Variants in MRPS6 observed in about 807,000 individuals in gnomAD.
MRPS6 encodes small ribosomal subunit protein bS6m.
MRPS6 carries 6 observed loss-of-function variants against 13.1 expected under a neutral mutation model. The ratio of observed to expected loss-of-function variants is 0.46; its 90% confidence interval spans 0.25 to 0.91. The LOEUF is 0.91. MRPS6 is among the 40% of genes least tolerant of loss of function. The probability of loss-of-function intolerance (pLI) is 0.18; values close to 1 mark genes in which losing one functional copy is unlikely to be tolerated. For missense variants in MRPS6, 164 were observed against 155.6 expected, an observed-to-expected ratio of 1.05 and a Z score of -0.29; for synonymous variants, 61 against 56.5, an observed-to-expected ratio of 1.08 and a Z score of -0.36.
At chr21:34,103,266 A>AT in intron 1 of MRPS6, 5 of 997,570 alleles carry the variant, frequency 5.0e-6, no homozygotes, top group Non-Finnish European at 6.0e-6. Context: ...TTAACAGAAA[A>AT]TTTGTATTTG....
rs137938840 is a variant in MRPS6, at chr21:34,108,260, G to T, written c.46-17081G>T. ...TCCATTCATGGTAAGTGCCCTTTAT[G>T]GGTATACCGTTTTTTATCTTTTATA... On this transcript the variant is annotated intron_variant, in intron 1 of 2. Transcript: ENST00000399312. 2.5e-3 allele frequency among the ~76,000 whole-genome samples: 387 copies of T among 152,212 alleles called. 3 individuals carry two copies. The highest frequency in any genetic ancestry group is 9.0e-3 in the African/African-American group (373 of 41,546).
chr21:34,140,229 T>C (rs1980861937), intron 2 of MRPS6, among the ~76,000 whole-genome samples: 1 of 152,306 alleles, frequency 6.6e-6, no homozygotes, highest in Non-Finnish European at 1.5e-5. Flanking sequence ...AGGCCTTTTT[T>C]TTTTTCTTAC....
intron 2 of MRPS6, among the ~76,000 whole-genome samples, chr21:34,139,131 A>G (rs995449162): frequency 7.0e-6 from 1 of 143,804 alleles, no homozygotes; most frequent in African/African-American, 2.6e-5. Flanking sequence ...GTGGGAATTG[A>G]ACATTGAGAA....
intron 1 of MRPS6, among the ~76,000 whole-genome samples, chr21:34,083,809 G>A (rs1173622358): frequency 2.0e-5 from 3 of 152,156 alleles, no homozygotes; most frequent in Non-Finnish European, 4.4e-5. Context: ...GTGTGTGTAA[G>A]AAGATTGAAG....
intron 2 of MRPS6, among the ~76,000 whole-genome samples, chr21:34,139,279 A>G (rs188240392): frequency 2.6e-5 from 4 of 151,866 alleles, no homozygotes; most frequent in Admixed American, 6.6e-5. Flanking sequence ...TGGCACATGT[A>G]TACATATGTA....
rs571440239 is a variant in MRPS6 at position 34,073,745 on chromosome 21, G to T, written c.45G>T (p.Arg15=). 6.2e-4 allele frequency: 952 copies of T among 1,524,648 alleles called. 13 individuals carry two copies. The South Asian group carries it at 0.01, about 16-fold the overall frequency. The allele number at this position is 1,524,648 out of a possible 1,614,324, so 94.4% of individuals were successfully genotyped here. A position where few individuals can be genotyped will look rare whatever the true frequency, so the allele number is the denominator to read the frequency against. ...ELALILKAMQ[R]PETAATLKRT... ...CTTTAATCCTGAAAGCCATGCAGCG[G>T]GTAAGTGACCTTCCCTCAGAGCCGG... is the stretch of plus-strand genomic sequence containing the variant. Residue 15 remains arginine, a splice_region_variant and synonymous_variant, in exon 1 of 3, where the codon CGG becomes CGT. Transcript: ENST00000399312.
intron 1 of MRPS6, chr21:34,102,143 AGACTGTCCTTTGTTG>A (rs1211345557): frequency 3.0e-6 from 3 of 1,000,088 alleles, no homozygotes; most frequent in Admixed American, 6.2e-5. Flanking sequence ...TGTTTTTGTC[AGACTGTCCTTTGTTG>A]GAATACTTTA....
intron 1 of MRPS6, chr21:34,097,047 G>T (rs1376241412): frequency 6.2e-7 from 1 of 1,614,014 alleles, no homozygotes; most frequent in Non-Finnish European, 8.5e-7. Context: ...CAACCCAGTG[G>T]CATCCTTAGG....
chr21:34,134,905 C>G (rs151239684), intron 2 of MRPS6, among the ~76,000 whole-genome samples: 22 of 152,292 alleles, frequency 1.4e-4, no homozygotes, highest in Non-Finnish European at 1.5e-5. Context: ...GGGCATTTGG[C>G]TAAGTGATGT....
chr21:34,105,055 CT>C (rs1467219675), intron 1 of MRPS6: 1 of 1,000,020 alleles, frequency 1.0e-6, no homozygotes, highest in African/African-American at 1.7e-5. Context: ...TGCTCATAGA[CT>C]TTTCTGTGGG....
rs77728577 is a variant in MRPS6 at position 34,098,360 on chromosome 21, C to G, written c.45+24615C>G. ...GAAAAATTGACGCTGCCTTTGTGTG[C>G]TGGATTGCTCTACTTGATTAGATCA... is the stretch of plus-strand genomic sequence containing the variant. On this transcript the variant is annotated intron_variant, in intron 1 of 2. Coordinates refer to ENST00000399312, the MANE Select transcript of MRPS6 (RefSeq NM_032476.4). 61 of 1,000,192 alleles carry G rather than the reference C, an allele frequency of 6.1e-5. No homozygotes were observed. In the African/African-American group the frequency reaches 1.0e-3, roughly 17 times the overall value. 62.0% of individuals were successfully genotyped at this position (1,000,192 alleles called of 1,614,324 possible).
chr21:34,111,302 A>G (rs1273266807), intron 1 of MRPS6, among the ~76,000 whole-genome samples: 2 of 152,202 alleles, frequency 1.3e-5, no homozygotes, highest in African/African-American at 2.4e-5. Context: ...CACCACCCAT[A>G]AGAAATAGAA....
chr21:34,112,057 C>G (rs1356843377), intron 1 of MRPS6, among the ~76,000 whole-genome samples: 1 of 152,120 alleles, frequency 6.6e-6, no homozygotes, highest in Non-Finnish European at 1.5e-5. Flanking sequence ...TGTGCATTAA[C>G]TTCATTATGC....
intron 1 of MRPS6, among the ~76,000 whole-genome samples, chr21:34,112,100 T>A (rs1979723209): frequency 6.6e-6 from 1 of 152,216 alleles, no homozygotes; most frequent in Non-Finnish European, 1.5e-5. Flanking sequence ...TCTGTTTTCC[T>A]CTTTGCAGTG....
intron 1 of MRPS6, among the ~76,000 whole-genome samples, chr21:34,118,289 GT>G (rs149625820): frequency 0.012 from 1,755 of 152,132 alleles, 38 homozygotes; most frequent in South Asian, 0.081. Flanking sequence ...TATTTTGTAT[GT>G]TATGTGTATT....
At chr21:34,126,076 A>G (rs1445582829) in intron 2 of MRPS6, among the ~76,000 whole-genome samples, 1 of 152,210 alleles carries the variant, frequency 6.6e-6, no homozygotes, top group Non-Finnish European at 1.5e-5. Context: ...GAATCTTCTC[A>G]TGTTGTAGGA....
chr21:34,113,290 A>G (rs1979776233), intron 1 of MRPS6, among the ~76,000 whole-genome samples: 1 of 152,202 alleles, frequency 6.6e-6, no homozygotes, highest in African/African-American at 2.4e-5. Context: ...GTTCGTTGCA[A>G]CACTATTCAC....
At chr21:34,098,362 G>A (rs2148660296) in intron 1 of MRPS6, 1 of 1,000,166 alleles carries the variant, frequency 1.0e-6, no homozygotes, top group South Asian at 4.7e-5. Flanking sequence ...TTTGTGTGCT[G>A]GATTGCTCTA....
At chr21:34,114,310 ATAT>A (rs1979818484) in intron 1 of MRPS6, among the ~76,000 whole-genome samples, 1 of 152,190 alleles carries the variant, frequency 6.6e-6, no homozygotes, top group African/African-American at 2.4e-5. Flanking sequence ...CAAGACTCCA[ATAT>A]TATTGGTGAG....
Sources: allele counts gnomAD v4.1 joint callset (sites outside exome capture counted in the v4.1 genomes callset), GRCh38; gene constraint gnomAD v4.1.1; transcripts MANE v1.5; gene names NCBI Gene and HGNC (gene_info 2026-07-23, HGNC 2026-07-21).